Variants in PUDP observed in about 807,000 individuals in gnomAD.
PUDP encodes the protein pseudouridine 5'-phosphatase.
Under a neutral mutation model 9.4 loss-of-function variants are expected in PUDP, and 8 were observed. The ratio of observed to expected loss-of-function variants is 0.85; its 90% CI spans 0.50 to 1.53. PUDP has a LOEUF of 1.53. PUDP is among the 40% of genes most tolerant of loss of function. PUDP has a pLI of 0.00. For missense variants in PUDP, 188 were observed against 189.7 expected (o/e 0.99, Z 0.05); for synonymous variants, 99 against 80.7 (o/e 1.23, Z -1.22).
At chrX:7,085,673 G>A (rs1308282173) in intron 2 of PUDP, among the ~76,000 whole-genome samples, 2 of 112,144 alleles carry the variant, frequency 1.8e-5, no homozygotes, top group Non-Finnish European at 3.8e-5. Flanking sequence ...ATATGCTGAT[G>A]CATTTATTTC....
intron 3 of PUDP, among the ~76,000 whole-genome samples, chrX:6,886,442 A>G (rs1341142929): frequency 1.8e-5 from 2 of 112,314 alleles, no homozygotes; most frequent in South Asian, 3.7e-4. Flanking sequence ...GTGTGGATAT[A>G]AAGTATTTCC....
chrX:6,712,377 G>A lies in PUDP; in HGVS notation n.129-5911C>T, dbSNP rs749291806. Among the ~76,000 whole-genome samples the A allele has an allele frequency of 7.2e-5, 8 of 111,522 alleles. No homozygotes were observed. The South Asian group carries it at 2.3e-3, about 31-fold the overall frequency. On this transcript the variant is annotated intron_variant and non_coding_transcript_variant, in intron 1 of 2. Transcript: ENST00000438499. ...TGTTGGCCAGAATGTCTCCAACTCCGGACCTCAAGTGATCTGCCCGCCTCA... is the reference window on the plus strand; with the variant it reads ...TGTTGGCCAGAATGTCTCCAACTCCAGACCTCAAGTGATCTGCCCGCCTCA...
chrX:7,002,945 C>G (rs892581304), intron 1 of PUDP, among the ~76,000 whole-genome samples: 2 of 110,102 alleles, frequency 1.8e-5, no homozygotes, highest in African/African-American at 6.6e-5. Context: ...AACCTCTGCC[C>G]TCTGCAAGCT....
chrX:6,816,101 G>T lies in PUDP; in HGVS notation c.*248-109635C>A, dbSNP rs190965152. Among the ~76,000 whole-genome samples the T allele has an allele frequency of 1.1e-3, 114 of 106,206 alleles. 1 individual carries two copies. The highest frequency in any genetic ancestry group is 3.8e-3 in the African/African-American group (113 of 29,460). The allele number at this position is 106,206 out of a possible 115,157, so 92.2% of individuals were successfully genotyped here. A position where few individuals can be genotyped will look rare whatever the true frequency, so the allele number is the denominator to read the frequency against. On this transcript the variant is annotated intron_variant and NMD_transcript_variant, in intron 3 of 3. Transcript: ENST00000655425. ...ATATATACTTACAATCTGCTGAGAG[G>T]CTTAAACATAAACATGAATAAACAT...
At chrX:6,921,350 C>T (rs1168075705) in intron 3 of PUDP, among the ~76,000 whole-genome samples, 2 of 110,131 alleles carry the variant, frequency 1.8e-5, no homozygotes, top group East Asian at 5.7e-4. Context: ...TGCCACTGCA[C>T]TCCAGCCTAG....
At chrX:7,057,507 G>T in intron 3 of PUDP, 1 of 546,871 alleles carries the variant, frequency 1.8e-6, no homozygotes. Flanking sequence ...AAGCAATAGG[G>T]AACTGGATGA....
chrX:6,867,785 T>C (rs1364011716), intron 3 of PUDP, among the ~76,000 whole-genome samples: 1 of 111,473 alleles, frequency 9.0e-6, no homozygotes, highest in Non-Finnish European at 1.9e-5. Context: ...CTGGGTAATT[T>C]ACAACAAACA....
At chrX:6,924,235 G>A (rs1928067662) in intron 3 of PUDP, among the ~76,000 whole-genome samples, 1 of 111,435 alleles carries the variant, frequency 9.0e-6, no homozygotes, top group Admixed American at 9.6e-5. Context: ...CTGAGACAGT[G>A]AGCCCCAGAA....
intron 3 of PUDP, among the ~76,000 whole-genome samples, chrX:6,738,058 C>G (rs1277112768): frequency 1.8e-5 from 2 of 111,230 alleles, no homozygotes; most frequent in African/African-American, 6.5e-5. Context: ...GATGAAGATG[C>G]CATCATGGCA....
chrX:6,837,052 A>C (rs1212077220), intron 3 of PUDP, among the ~76,000 whole-genome samples: 2 of 112,627 alleles, frequency 1.8e-5, no homozygotes, highest in Non-Finnish European at 3.7e-5. Flanking sequence ...GCGCATTTAA[A>C]TTGTGCAATC....
chrX:6,864,558 G>A (rs1927050657), intron 3 of PUDP, among the ~76,000 whole-genome samples: 1 of 111,695 alleles, frequency 9.0e-6, no homozygotes, highest in South Asian at 3.8e-4. Context: ...CACAAATTGA[G>A]TGCCACATTT....
At chrX:6,789,352 G>C (rs1416780696) in intron 3 of PUDP, among the ~76,000 whole-genome samples, 1 of 111,075 alleles carries the variant, frequency 9.0e-6, no homozygotes, top group Non-Finnish European at 1.9e-5. Flanking sequence ...GCAGTCCAAG[G>C]CTAGTGAGCA....
intron 1 of PUDP, among the ~76,000 whole-genome samples, chrX:7,120,136 C>T (rs1055191274): frequency 1.2e-4 from 13 of 110,734 alleles, no homozygotes; most frequent in Non-Finnish European, 1.9e-4. Context: ...TCAGTGATGA[C>T]GCAATCTGCA....
chrX:6,858,329 T>C lies in PUDP; in HGVS notation c.*247+118804A>G, dbSNP rs752400124. 9.2e-5 allele frequency among the ~76,000 whole-genome samples: 9 copies of C among 97,968 alleles called. No homozygotes were observed. The South Asian group carries it at 3.1e-3, about 34-fold the overall frequency. 85.1% of individuals were successfully genotyped at this position (97,968 alleles called of 115,157 possible). A position where few individuals can be genotyped will look rare whatever the true frequency, so the allele number is the denominator to read the frequency against. On this transcript the variant is annotated intron_variant and NMD_transcript_variant, in intron 3 of 3. Coordinates refer to the PUDP transcript ENST00000655425. ...ATCCTTTTTTTTTTCTTTCTTTTTTTTTTTTCTTTTTTTTTTTTGATACAG... is the reference window on the plus strand; with the variant it reads ...ATCCTTTTTTTTTTCTTTCTTTTTTCTTTTTCTTTTTTTTTTTTGATACAG...
intron 3 of PUDP, among the ~76,000 whole-genome samples, chrX:6,930,381 G>A (rs979273736): frequency 1.8e-5 from 2 of 111,421 alleles, no homozygotes; most frequent in African/African-American, 6.5e-5. Flanking sequence ...CCAAGATAGT[G>A]ACAAAAGTGA....
At chrX:7,124,830 C>G (rs1262435511) in intron 1 of PUDP, among the ~76,000 whole-genome samples, 1 of 109,056 alleles carries the variant, frequency 9.2e-6, no homozygotes, top group Non-Finnish European at 1.9e-5. Context: ...CACCTGTAGT[C>G]CCAGCTACTC....
chrX:7,094,449 C>T (rs1041061454), intron 2 of PUDP, among the ~76,000 whole-genome samples: 10 of 107,311 alleles, frequency 9.3e-5, no homozygotes, highest in African/African-American at 2.4e-4. Flanking sequence ...CTCCGCCCCG[C>T]GGGTTCACGC....
chrX:6,720,664 AAAT>A (rs34237665), intron 1 of PUDP, among the ~76,000 whole-genome samples: 48,469 of 103,923 alleles, frequency 0.47, 9,627 homozygotes, highest in African/African-American at 0.65. Context: ...CACTATCCCC[AAAT>A]AATAATAATA....
chrX:7,059,620 T>C (rs1930344057), intron 3 of PUDP, among the ~76,000 whole-genome samples: 1 of 112,119 alleles, frequency 8.9e-6, no homozygotes, highest in African/African-American at 3.2e-5. Flanking sequence ...ATTAAAATGC[T>C]CTAACCTGTA....
Sources: allele counts gnomAD v4.1 joint callset (sites outside exome capture counted in the v4.1 genomes callset), GRCh38; gene constraint gnomAD v4.1.1; transcripts MANE v1.5; gene names NCBI Gene and HGNC (gene_info 2026-07-23, HGNC 2026-07-21).